FAIM2: variants seen among roughly 807,000 people sequenced by gnomAD.
The protein encoded by FAIM2 is protein lifeguard 2.
A neutral mutation model predicts 47.4 loss-of-function variants in FAIM2; 27 were observed. That is an observed-to-expected ratio of 0.57 (90% CI 0.42 to 0.78). The LOEUF is 0.78. FAIM2 is among the 30% of genes least tolerant of loss of function. FAIM2 has a pLI of 0.00. For synonymous variants in FAIM2, 156 were observed against 159.3 expected, an observed-to-expected ratio of 0.98 and a Z score of 0.16; for missense variants, 311 against 389.4, an observed-to-expected ratio of 0.80 and a Z score of 1.69.
chr12:49,874,476 C>G lies in FAIM2; in HGVS notation c.802-3823G>C, dbSNP rs1946722708. On this transcript the variant is annotated intron_variant, in intron 11 of 11. Transcript: ENST00000320634. This position sits in a 1 kb window ranked among gnomAD's most constrained non-coding sequence, Gnocchi z 4.2. ...GTGCAGAGGGCACAGGTGCCAAAGG[C>G]AAACTTCCCCGCCTCACTTTACTGG... Among the ~76,000 whole-genome samples the G allele has an allele frequency of 6.6e-6, 1 of 152,134 alleles. No individual in the cohort carries two copies. The highest frequency in any genetic ancestry group is 1.5e-5 in the Non-Finnish European group (1 of 68,018).
In FAIM2 at chr12:49,898,173, C is replaced by T. The variant is rs74089072; in HGVS notation, c.212-83G>A. ...CCCAACAGCCCCCAACTCAAAGCTGCCTTTTTGTCAACCTGGCTCTCTGGA... is the reference window on the plus strand; with the variant it reads ...CCCAACAGCCCCCAACTCAAAGCTGTCTTTTTGTCAACCTGGCTCTCTGGA... On this transcript the variant is annotated intron_variant, in intron 2 of 11. Transcript: ENST00000320634. 2.6e-3 allele frequency: 2,243 copies of T among 850,648 alleles called. 43 individuals carry two copies. The African/African-American group carries it at 0.049, about 19-fold the overall frequency. The allele number at this position is 850,648 out of a possible 1,614,324, so 52.7% of individuals were successfully genotyped here.
At chr12:49,902,339 T>C (rs1946987021) in intron 1 of FAIM2, 1 of 152,184 alleles carries the variant, frequency 6.6e-6, no homozygotes, top group South Asian at 2.1e-4. Context: ...GATTTAGGTC[T>C]GGTTCCCAGA....
At position 49,870,338 on chromosome 12, in the gene FAIM2, C is replaced by A; in HGVS notation, c.*166G>T. 1.6e-6 allele frequency: 1 copy of A among 625,972 alleles called. No individual in the cohort carries two copies. 38.8% of individuals were successfully genotyped at this position (625,972 alleles called of 1,614,324 possible). The stretch of plus-strand genomic sequence containing the variant: ...CCTCAGTTCCTCAGGGTCCCCATGG[C>A]GTATGTACAAGCGGCAGAGGGCTGG... On this transcript the variant is annotated 3_prime_UTR_variant, in exon 12 of 12. Transcript: ENST00000320634.
intron 11 of FAIM2, among the ~76,000 whole-genome samples, chr12:49,880,167 T>TGTCTGTGTGC (rs146657856): frequency 0.02 from 2,876 of 143,510 alleles, 14 homozygotes; most frequent in African/African-American, 0.03. Context: ...TGCATGTGTG[T>TGTCTGTGTGC]ATGTGTGTGT....
chr12:49,882,157 C>G lies in FAIM2; in HGVS notation c.801+5229G>C, dbSNP rs148238860. Among the ~76,000 whole-genome samples, 25 of 152,328 alleles carry G rather than the reference C, an allele frequency of 1.6e-4. No homozygotes were observed. In the East Asian group the frequency reaches 4.4e-3, roughly 27 times the overall value. On this transcript the variant is annotated intron_variant, in intron 11 of 11. Coordinates refer to ENST00000320634, the MANE Select transcript of FAIM2 (RefSeq NM_012306.4). ...GACACCTGCATGCAGTGTGCTGTGT[C>G]CAGCTCTGCTCAGCTGCAGGGCTGG...
rs200391564 is a variant in FAIM2, at chr12:49,879,008, ATG to A, written c.802-8357_802-8356del. On this transcript the variant is annotated intron_variant, in intron 11 of 11. Coordinates refer to ENST00000320634, the MANE Select transcript of FAIM2 (RefSeq NM_012306.4). Reference sequence around the variant, plus strand: ...CATATGAGTGTATCTGTGTATGTGCATGTGTGTATGTGTATGTGTGTGTCTGT... The same window carrying A: ...CATATGAGTGTATCTGTGTATGTGCATGTGTATGTGTATGTGTGTGTCTGT... Among the ~76,000 whole-genome samples the A allele has an allele frequency of 2.1e-4, 27 of 130,452 alleles. 5 individuals are homozygous for A. Among genetic ancestry groups the A allele is most frequent in the East Asian group, 7.8e-4 (3 of 3,842 alleles). 85.6% of individuals were successfully genotyped at this position (130,452 alleles called of 152,430 possible). A position where few individuals can be genotyped will look rare whatever the true frequency, so the allele number is the denominator to read the frequency against.
At chr12:49,880,106 G>A (rs111068147) in intron 11 of FAIM2, among the ~76,000 whole-genome samples, 4,205 of 149,538 alleles carry the variant, frequency 0.028, 2 homozygotes, top group African/African-American at 0.09. Flanking sequence ...GTATATGTGC[G>A]TCTGTGTATG....
At chr12:49,886,132 A>G (rs1946859472) in intron 11 of FAIM2, among the ~76,000 whole-genome samples, 1 of 152,316 alleles carries the variant, frequency 6.6e-6, no homozygotes, top group African/African-American at 2.4e-5. Flanking sequence ...TACTGCTTCC[A>G]TTGTCAATAA....
intron 11 of FAIM2, among the ~76,000 whole-genome samples, chr12:49,880,488 A>ATGTG (rs1401837991): frequency 2.3e-5 from 1 of 42,964 alleles, no homozygotes; most frequent in African/African-American, 1.1e-4. Flanking sequence ...ATGTGTATGC[A>ATGTG]TGTGTATGTG....
At chr12:49,903,540 T>C (rs2137111209) in intron 1 of FAIM2, among the ~76,000 whole-genome samples, 1 of 152,316 alleles carries the variant, frequency 6.6e-6, no homozygotes, top group South Asian at 2.1e-4. Context: ...AATGCTGTAA[T>C]GCCAAAGCAG....
rs1257640338 is a variant in FAIM2, at chr12:49,874,467, T to G, written c.802-3814A>C. On this transcript the variant is annotated intron_variant, in intron 11 of 11. Transcript: ENST00000320634. This position sits in a 1 kb window ranked among gnomAD's most constrained non-coding sequence, Gnocchi z 4.2. ...AGGGAGCATGTGCAGAGGGCACAGG[T>G]GCCAAAGGCAAACTTCCCCGCCTCA... Among the ~76,000 whole-genome samples the G allele has an allele frequency of 2.0e-5, 3 of 151,914 alleles. No individual in the cohort carries two copies. The highest frequency in any genetic ancestry group is 2.0e-4 in the Admixed American group (3 of 15,268).
chr12:49,875,311 T>C (rs1429957043), intron 11 of FAIM2, among the ~76,000 whole-genome samples: 1 of 152,136 alleles, frequency 6.6e-6, no homozygotes, highest in African/African-American at 2.4e-5. Context: ...TGTAAGTGAC[T>C]TGCCCGCATC....
At chr12:49,892,893 C>T (rs1214002661) in intron 5 of FAIM2, among the ~76,000 whole-genome samples, 1 of 152,206 alleles carries the variant, frequency 6.6e-6, no homozygotes, top group Non-Finnish European at 1.5e-5. Context: ...CTCCTGCATT[C>T]CCTCCTGCAG....
At chr12:49,883,628 A>G (rs1946841002) in intron 11 of FAIM2, among the ~76,000 whole-genome samples, 1 of 152,126 alleles carries the variant, frequency 6.6e-6, no homozygotes, top group Non-Finnish European at 1.5e-5. Flanking sequence ...AGAGATGTAA[A>G]TGTTAGAGTA....
intron 1 of FAIM2, 42 bp from the exon 2 acceptor site, chr12:49,901,367 G>C (rs777694817): frequency 6.9e-6 from 10 of 1,442,706 alleles, no homozygotes; most frequent in Admixed American, 5.2e-5. Flanking sequence ...ACCAGGGAAA[G>C]GGAGCCTTCC....
At chr12:49,898,701 T>C (rs1946959767) in intron 2 of FAIM2, among the ~76,000 whole-genome samples, 2 of 152,080 alleles carry the variant, frequency 1.3e-5, no homozygotes, top group Non-Finnish European at 2.9e-5. Flanking sequence ...TAATATTTTA[T>C]ATTTTTAGTA....
chr12:49,882,316 G>A (rs946460156), intron 11 of FAIM2, among the ~76,000 whole-genome samples: 1 of 152,192 alleles, frequency 6.6e-6, no homozygotes, highest in African/African-American at 2.4e-5. Flanking sequence ...GAGTCCGCAG[G>A]CCTGAGGGTC....
chr12:49,870,719 G>T (rs1946696619), intron 11 of FAIM2, 66 bp from the exon 12 acceptor site: 2 of 1,532,996 alleles, frequency 1.3e-6, no homozygotes, highest in Admixed American at 3.5e-5. Flanking sequence ...GACTATGGCA[G>T]CCCAGGTGTC....
At position 49,898,651 on chromosome 12, in the gene FAIM2, C is replaced by T. The variant is rs377499014; in HGVS notation, c.212-561G>A. 1.8e-4 allele frequency among the ~76,000 whole-genome samples: 27 copies of T among 152,244 alleles called. No individual in the cohort carries two copies. The East Asian group carries it at 1.9e-3, about 11-fold the overall frequency. ...AGGCGATCCTCCCACCTCAACCTCC[C>T]GAGTAGCTGGGACTACAGGTGCACA... On this transcript the variant is annotated intron_variant, in intron 2 of 11. Coordinates refer to ENST00000320634, the MANE Select transcript of FAIM2 (RefSeq NM_012306.4).
Sources: gnomAD v4.1 joint callset for allele counts (sites outside exome capture counted in the v4.1 genomes callset) on GRCh38, gnomAD v4.1.1 for gene constraint, Gnocchi (gnomAD v3.1) non-coding constraint, MANE v1.5 for transcripts, NCBI Gene and HGNC (gene_info 2026-07-23, HGNC 2026-07-21) for gene names.